The following HELQ variants were observed in gnomAD, a reference collection of about 807,000 sequenced individuals.
HELQ encodes the protein helicase POLQ-like.
A neutral mutation model predicts 111.6 loss-of-function variants in HELQ; 77 were observed. That is an observed-to-expected ratio of 0.69 (90% confidence interval 0.57 to 0.83). The LOEUF (loss-of-function observed/expected upper bound fraction) is 0.83. HELQ is among the 40% of genes least tolerant of loss of function. HELQ has a pLI of 0.00. For missense variants in HELQ, 1,200 were observed against 1,288.5 expected (o/e 0.93, Z 1.05); for synonymous variants, 438 against 454.7 (o/e 0.96, Z 0.47).
Position 83,421,587 on chromosome 4 carries a change from T to C in HELQ, c.2925A>G (p.Ser975=). 2 of 1,612,720 alleles carry C rather than the reference T, an allele frequency of 1.2e-6. No homozygotes were observed. Among genetic ancestry groups the C allele is most frequent in the African/African-American group, 1.3e-5 (1 of 74,962 alleles). ...QNLLTGTASF[S]SCVLHFCEEL... The stretch of plus-strand genomic sequence containing the variant: ...CCTCACAGAAATGTAACACACAAGA[T>C]GAGAATGAGGCAGTTCCAGTGAGAA... The change falls in exon 15 of 18, where the codon TCA becomes TCG. Residue 975 remains serine, a synonymous_variant. Transcript: ENST00000295488.
At chr4:83,455,175 G>A (rs1721686045) in intron 1 of HELQ, 1 of 836,056 alleles carries the variant, frequency 1.2e-6, no homozygotes, top group Non-Finnish European at 1.8e-6. Context: ...TTGTGTCTCA[G>A]TCATGCCACT....
Position 83,455,516 on chromosome 4 carries a change from G to A in HELQ, c.178C>T (p.Pro60Ser). ...NRRRKTAGVL[P>S]VEVQPLLLSD... ...AGTAGAAGGGGCTGTACCTCAACCG[G>A]CAGTACGCCCGCGGTTTTCCGCCTC... Residue 60 changes from proline to serine, a missense_variant, in exon 1 of 18, where the codon CCG (proline) becomes TCG (serine). Transcript: ENST00000295488. 6 of 1,614,128 alleles carry A rather than the reference G, an allele frequency of 3.7e-6. No homozygotes were observed. The South Asian group carries it at 6.6e-5, about 18-fold the overall frequency.
intron 15 of HELQ, 45 bp from the exon 16 acceptor site, chr4:83,418,251 A>G: frequency 1.7e-6 from 2 of 1,179,362 alleles, no homozygotes; most frequent in Non-Finnish European, 2.4e-6. Flanking sequence ...TTTGTAAGTT[A>G]TTTCAAAGTT....
chr4:83,415,912 G>T (rs2109965550), intron 17 of HELQ, among the ~76,000 whole-genome samples: 1 of 149,696 alleles, frequency 6.7e-6, no homozygotes, highest in East Asian at 2.0e-4. Context: ...CTCCCAAAGT[G>T]CTGGGATTAT....
intron 14 of HELQ, among the ~76,000 whole-genome samples, chr4:83,424,612 G>A (rs565486254): frequency 3.5e-4 from 53 of 152,074 alleles, no homozygotes; most frequent in African/African-American, 1.2e-3. Context: ...AAGCTGGAGT[G>A]CAGTGGTGTG....
At chr4:83,440,712 A>T (rs1158381578) in intron 7 of HELQ, among the ~76,000 whole-genome samples, 2 of 152,176 alleles carry the variant, frequency 1.3e-5, no homozygotes, top group Non-Finnish European at 2.9e-5. Context: ...ATGGTCCATA[A>T]ATTATTCTTT....
chr4:83,410,936 A>G (rs1739051515), intron 17 of HELQ, among the ~76,000 whole-genome samples: 1 of 151,636 alleles, frequency 6.6e-6, no homozygotes, highest in African/African-American at 2.4e-5. Flanking sequence ...AGATTGCTTG[A>G]GCCCAGGAGT....
rs374490028 is a variant in HELQ, at chr4:83,407,610, T to C, written c.3199-50A>G. On this transcript the variant is annotated intron_variant, in intron 17 of 17. Transcript: ENST00000295488. ...GGCCAAAATATGCATTGCTAGAGAATTGCCAACAATTTTACCACTGTCCAT... is the reference window on the plus strand; with the variant it reads ...GGCCAAAATATGCATTGCTAGAGAACTGCCAACAATTTTACCACTGTCCAT... The C allele has an allele frequency of 1.7e-5, 20 of 1,153,322 alleles. No homozygotes were observed. The Admixed American group carries it at 2.4e-4, about 14-fold the overall frequency. 71.4% of individuals were successfully genotyped at this position (1,153,322 alleles called of 1,614,324 possible). A position where few individuals can be genotyped will look rare whatever the true frequency, so the allele number is the denominator to read the frequency against.
At chr4:83,449,130 C>G (rs1414593336) in intron 2 of HELQ, among the ~76,000 whole-genome samples, 169 bp from the exon 3 acceptor site, 1 of 152,210 alleles carries the variant, frequency 6.6e-6, no homozygotes, top group Non-Finnish European at 1.5e-5. Context: ...GCAAGTAGTA[C>G]AGCCAGTGAG....
intron 9 of HELQ, among the ~76,000 whole-genome samples, chr4:83,435,948 A>C (rs1720430443): frequency 6.8e-6 from 1 of 147,580 alleles, no homozygotes; most frequent in Non-Finnish European, 1.5e-5. Flanking sequence ...TGAAAATAAA[A>C]GAATGGAAAA....
rs779955511 is a variant in HELQ at position 83,455,664 on chromosome 4, C to T, written c.30G>A (p.Arg10=). The change falls in exon 1 of 18, where the codon CGG becomes CGA. Residue 10 remains arginine, a synonymous_variant. Transcript: ENST00000295488. The part of the protein sequence containing the change: MDECGSRIR[R]RVSLPKRNRP... The stretch of plus-strand genomic sequence containing the variant: ...GGTTCCTTTTGGGGAGAGACACCCG[C>T]CGGCGGATGCGGGAACCACATTCAT... 14 of 1,611,064 alleles carry T rather than the reference C, an allele frequency of 8.7e-6. No individual in the cohort carries two copies. Among genetic ancestry groups the T allele is most frequent in the Non-Finnish European group, 1.2e-5 (14 of 1,179,948 alleles).
At chr4:83,414,346 C>T (rs1427741617) in intron 17 of HELQ, among the ~76,000 whole-genome samples, 3 of 152,156 alleles carry the variant, frequency 2.0e-5, no homozygotes, top group East Asian at 3.9e-4. Context: ...CAATGAAGTC[C>T]GGATCCCATC....
chr4:83,449,011 A>T, intron 2 of HELQ, 50 bp from the exon 3 acceptor site: 1 of 1,362,824 alleles, frequency 7.3e-7, no homozygotes, highest in Non-Finnish European at 1.0e-6. Flanking sequence ...CAAACTTTGA[A>T]ACTCAAAAGT....
intron 17 of HELQ, among the ~76,000 whole-genome samples, chr4:83,408,630 T>G (rs1738922261): frequency 1.3e-5 from 2 of 151,624 alleles, no homozygotes; most frequent in South Asian, 4.2e-4. Context: ...TCCAGGCTGT[T>G]CTCAAACTCT....
Position 83,455,586 on chromosome 4 carries a change from G to A in HELQ, c.108C>T (p.Pro36=), listed in dbSNP as rs146273386. Residue 36 remains proline, a synonymous_variant, in exon 1 of 18, where the codon CCC becomes CCT. Transcript: ENST00000295488. ...CCTCCTCCTCTTTCCCCTCATCTCC[G>A]GGCACGAGCTCGGCCGCGGTGGGAG... ...FGAPTAAELV[P]GDEGKEEEEM... is the part of the protein sequence containing the mutation. The A allele has an allele frequency of 6.2e-7, 1 of 1,613,960 alleles. No homozygotes were observed. Among genetic ancestry groups the A allele is most frequent in the Non-Finnish European group, 8.5e-7 (1 of 1,180,016 alleles).
In HELQ at chr4:83,446,948, T is replaced by TTTTAG. The variant is rs1340505543; in HGVS notation, c.1274_1278dup (p.Arg427LeufsTer21). 12 of 1,612,682 alleles carry TTTTAG rather than the reference T, an allele frequency of 7.4e-6. No homozygotes were observed. Among genetic ancestry groups the TTTTAG allele is most frequent in the Non-Finnish European group, 1.0e-5 (12 of 1,178,822 alleles). On this transcript the variant is annotated frameshift_variant, in exon 4 of 18. Transcript: ENST00000295488. LOFTEE classifies it high-confidence loss of function. ...ATATAGAGTGATTTCTTTTCCCTTCTTTTAGTTGGAGGAAATCTTCCTTTG... is the reference window on the plus strand; with the variant it reads ...ATATAGAGTGATTTCTTTTCCCTTCTTTTAGTTTAGTTGGAGGAAATCTTCCTTTG...
chr4:83,435,448 A>T (rs1720397223), intron 9 of HELQ, among the ~76,000 whole-genome samples: 1 of 152,128 alleles, frequency 6.6e-6, no homozygotes, highest in African/African-American at 2.4e-5. Flanking sequence ...TTGAATCTAG[A>T]ATTCTTTTGC....
intron 3 of HELQ, among the ~76,000 whole-genome samples, chr4:83,448,143 G>A (rs1721151762): frequency 6.6e-6 from 1 of 152,032 alleles, no homozygotes; most frequent in South Asian, 2.1e-4. Flanking sequence ...CCAAGAGGCG[G>A]AGGTTGCAGT....
At position 83,425,533 on chromosome 4, in the gene HELQ, G is replaced by A. The variant is rs548144782; in HGVS notation, c.2775+461C>T. On this transcript the variant is annotated intron_variant, in intron 14 of 17. Transcript: ENST00000295488. ...AAACACCAAAATATATCACACCAAC[G>A]AGTATTAGCTTATCCCCTTTAACCT... Among the ~76,000 whole-genome samples the A allele has an allele frequency of 9.9e-5, 15 of 152,226 alleles. No homozygotes were observed. The East Asian group carries it at 1.9e-3, about 20-fold the overall frequency.
Sources: allele counts gnomAD v4.1 joint callset (sites outside exome capture counted in the v4.1 genomes callset), GRCh38; gene constraint gnomAD v4.1.1; transcripts MANE v1.5; gene names NCBI Gene and HGNC (gene_info 2026-07-23, HGNC 2026-07-21).